The following SLC4A10 variants were observed in gnomAD, a reference collection of about 807,000 sequenced individuals.
SLC4A10 encodes sodium-driven chloride bicarbonate exchanger.
A neutral mutation model predicts 137.7 loss-of-function variants in SLC4A10; 42 were observed. That is an observed-to-expected ratio of 0.30 (90% CI 0.24 to 0.39). The LOEUF (loss-of-function observed/expected upper bound fraction) is 0.39, where lower values mean the gene tolerates loss of function less well. Ranked by LOEUF, SLC4A10 falls within the 10% of genes least tolerant of loss-of-function variation. The pLI, the probability that SLC4A10 is intolerant of heterozygous loss-of-function variation, is 1.00. For synonymous variants in SLC4A10, 474 were observed against 464.1 expected, an observed-to-expected ratio of 1.02 and a Z score of -0.27; for missense variants, 925 against 1,355.0, an observed-to-expected ratio of 0.68 and a Z score of 4.98.
intron 1 of SLC4A10, among the ~76,000 whole-genome samples, chr2:161,748,036 T>C (rs2048559727): frequency 6.6e-6 from 1 of 152,192 alleles, no homozygotes. Flanking sequence ...CACCTTTTCA[T>C]ATATCTGCTC....
intron 5 of SLC4A10, among the ~76,000 whole-genome samples, chr2:161,861,836 T>G (rs2060450348): frequency 6.6e-6 from 1 of 152,190 alleles, no homozygotes; most frequent in Admixed American, 6.5e-5. Flanking sequence ...AGCTAGAATG[T>G]CATAAAGTGG....
chr2:161,896,506 A>C (rs2063521123), intron 11 of SLC4A10, among the ~76,000 whole-genome samples: 1 of 152,146 alleles, frequency 6.6e-6, no homozygotes, highest in Non-Finnish European at 1.5e-5. Context: ...TACCTTGGGC[A>C]GTATGGCCAT....
chr2:161,862,924 C>T lies in SLC4A10; in HGVS notation c.628C>T (p.Arg210Cys), dbSNP rs756056078. 26 of 1,611,792 alleles carry T rather than the reference C, an allele frequency of 1.6e-5. No individual in the cohort carries two copies. The highest frequency in any genetic ancestry group is 1.7e-4 in the Middle Eastern group (1 of 6,052). The change falls in exon 6 of 27, where the codon CGC becomes TGC. Residue 210 changes from arginine (R) to cysteine (C), a missense_variant. Physicochemically the swap from Arg to Cys is radical, Grantham distance 180. Transcript: ENST00000446997. ...CTCAGGTCAGCTGAATGAAGATGTACGCCATAGGGTCCATGAGGCATTGAT... is the reference window on the plus strand; with the variant it reads ...CTCAGGTCAGCTGAATGAAGATGTATGCCATAGGGTCCATGAGGCATTGAT... ...VSSGQLNEDV[R>C]HRVHEALMKQ...
intron 3 of SLC4A10, among the ~76,000 whole-genome samples, chr2:161,818,488 G>C (rs531699701): frequency 6.6e-6 from 1 of 152,134 alleles, no homozygotes; most frequent in Non-Finnish European, 1.5e-5. Flanking sequence ...CTGCCTGATT[G>C]CTCTGGCCAG....
intron 8 of SLC4A10, among the ~76,000 whole-genome samples, chr2:161,875,353 A>G (rs2061397932): frequency 6.6e-6 from 1 of 152,174 alleles, no homozygotes; most frequent in South Asian, 2.1e-4. Context: ...TACAGATTCC[A>G]AAACCCCAGA....
At chr2:161,919,511 A>G (rs1330491879) in intron 15 of SLC4A10, among the ~76,000 whole-genome samples, 1 of 152,102 alleles carries the variant, frequency 6.6e-6, no homozygotes, top group African/African-American at 2.4e-5. Context: ...CAGGCAGATG[A>G]TGGGACCACC....
At chr2:161,700,903 C>A (rs1484397425) in intron 1 of SLC4A10, among the ~76,000 whole-genome samples, 1 of 152,050 alleles carries the variant, frequency 6.6e-6, no homozygotes, top group Non-Finnish European at 1.5e-5. Flanking sequence ...CTGATTCAGT[C>A]TGATTATTTC....
intron 1 of SLC4A10, among the ~76,000 whole-genome samples, chr2:161,703,542 T>C (rs2125019489): frequency 6.6e-6 from 1 of 151,804 alleles, no homozygotes; most frequent in South Asian, 2.1e-4. Flanking sequence ...TTTCTTCTGT[T>C]TGTATAGATA....
intron 1 of SLC4A10, among the ~76,000 whole-genome samples, chr2:161,729,225 T>C (rs899983808): frequency 3.9e-5 from 6 of 152,064 alleles, no homozygotes; most frequent in Admixed American, 6.6e-5. Flanking sequence ...AGAAAAACCA[T>C]GAAGTTTGGA....
chr2:161,815,081 T>C (rs2056917322), intron 3 of SLC4A10, among the ~76,000 whole-genome samples: 2 of 152,132 alleles, frequency 1.3e-5, no homozygotes, highest in African/African-American at 2.4e-5. Flanking sequence ...TAGCATTAAA[T>C]TTAAACTTGC....
intron 1 of SLC4A10, among the ~76,000 whole-genome samples, chr2:161,667,673 G>T (rs1230533394): frequency 6.6e-6 from 1 of 151,504 alleles, no homozygotes; most frequent in Non-Finnish European, 1.5e-5. Context: ...TTTATATATT[G>T]AATATATATG....
rs531689552 is a variant in SLC4A10 at position 161,771,958 on chromosome 2, T to C, written c.130+904T>C. Reference sequence around the variant, plus strand: ...AAGGGTTTTTTCATTTTAAACTTTGTAATGTAACCATTTACAGTACAATTA... The same window carrying C: ...AAGGGTTTTTTCATTTTAAACTTTGCAATGTAACCATTTACAGTACAATTA... On this transcript the variant is annotated intron_variant, in intron 2 of 26. Coordinates refer to ENST00000446997, the MANE Select transcript of SLC4A10 (RefSeq NM_001178015.2). Among the ~76,000 whole-genome samples, 5 of 152,030 alleles carry C rather than the reference T, an allele frequency of 3.3e-5. No individual in the cohort carries two copies. In the South Asian group the frequency reaches 8.3e-4, roughly 25 times the overall value.
At chr2:161,939,253 T>C (rs1487488028) in intron 15 of SLC4A10, among the ~76,000 whole-genome samples, 1 of 151,972 alleles carries the variant, frequency 6.6e-6, no homozygotes, top group Non-Finnish European at 1.5e-5. Flanking sequence ...ATTTTTGTGT[T>C]TTTAGTAGAG....
chr2:161,727,630 A>T (rs1229194562), intron 1 of SLC4A10, among the ~76,000 whole-genome samples: 3 of 152,166 alleles, frequency 2.0e-5, no homozygotes, highest in Admixed American at 2.0e-4. Flanking sequence ...AACAAATAAG[A>T]GTTCTTGGAA....
intron 1 of SLC4A10, among the ~76,000 whole-genome samples, chr2:161,648,631 A>G (rs906929684): frequency 5.3e-5 from 8 of 152,236 alleles, no homozygotes; most frequent in African/African-American, 1.9e-4. Flanking sequence ...CAATTTTCCC[A>G]GAATTAACCA....
chr2:161,945,957 T>C (rs1338850534), intron 16 of SLC4A10, among the ~76,000 whole-genome samples: 1 of 151,982 alleles, frequency 6.6e-6, no homozygotes, highest in African/African-American at 2.4e-5. Flanking sequence ...TTTTAGCTCC[T>C]TTTTCTATGT....
chr2:161,941,375 G>A (rs1206218164), intron 15 of SLC4A10, among the ~76,000 whole-genome samples: 5 of 152,078 alleles, frequency 3.3e-5, no homozygotes, highest in Non-Finnish European at 4.4e-5. Flanking sequence ...AATGAGACAG[G>A]AATTCATACT....
chr2:161,647,873 A>G (rs909951433), intron 1 of SLC4A10, among the ~76,000 whole-genome samples: 1 of 152,240 alleles, frequency 6.6e-6, no homozygotes, highest in African/African-American at 2.4e-5. Flanking sequence ...TCCAGTCTCA[A>G]TGACCACTTT....
chr2:161,925,290 C>G (rs917156689), intron 15 of SLC4A10, among the ~76,000 whole-genome samples: 1 of 152,056 alleles, frequency 6.6e-6, no homozygotes, highest in Non-Finnish European at 1.5e-5. Flanking sequence ...GTGTATGTGT[C>G]GAGGAATTTA....
Sources: gnomAD v4.1 joint callset for allele counts (sites outside exome capture counted in the v4.1 genomes callset) on GRCh38, gnomAD v4.1.1 for gene constraint, MANE v1.5 for transcripts, NCBI Gene and HGNC (gene_info 2026-07-23, HGNC 2026-07-21) for gene names.